The following TIMM44 variants were observed in gnomAD, a reference collection of about 807,000 sequenced individuals.
The protein encoded by TIMM44 is mitochondrial import inner membrane translocase subunit TIM44.
Under a neutral mutation model 63.8 loss-of-function variants are expected in TIMM44, and 37 were observed. The ratio of observed to expected loss-of-function variants is 0.58; its 90% CI spans 0.45 to 0.76. The LOEUF is 0.76. TIMM44 is among the 30% of genes least tolerant of loss of function. The pLI, the probability that TIMM44 is intolerant of heterozygous loss-of-function variation, is 0.00. For synonymous variants in TIMM44, 239 were observed against 245.1 expected, an observed-to-expected ratio of 0.98 and a Z score of 0.23; for missense variants, 573 against 603.8, an observed-to-expected ratio of 0.95 and a Z score of 0.54.
intron 10 of TIMM44, 42 bp downstream of exon 10, chr19:7,931,096 A>G: frequency 1.3e-6 from 2 of 1,533,116 alleles, no homozygotes; most frequent in African/African-American, 1.4e-5. Context: ...GTGATTTTTT[A>G]GGCCTTAAAA....
In TIMM44 at chr19:7,933,524, G is replaced by T. The variant is rs913687850; in HGVS notation, c.730C>A (p.Gln244Lys). 3.1e-6 allele frequency: 5 copies of T among 1,613,984 alleles called. No homozygotes were observed. Among genetic ancestry groups the T allele is most frequent in the Non-Finnish European group, 4.2e-6 (5 of 1,180,008 alleles). Reference sequence around the variant, plus strand: ...TTGTTCTCCTTGAAGTCCTTCCACTGCTGGTACCACTTGGAGTCCTTGTGC... The same window carrying T: ...TTGTTCTCCTTGAAGTCCTTCCACTTCTGGTACCACTTGGAGTCCTTGTGC... ...VLHKDSKWYQ[Q>K]WKDFKENNVV... Residue 244 changes from glutamine to lysine, a missense_variant, in exon 7 of 13, where the codon CAG becomes AAG. Physicochemically the swap from Gln to Lys is moderately conservative, Grantham distance 53. Coordinates refer to ENST00000270538, the MANE Select transcript of TIMM44 (RefSeq NM_006351.4). The surrounding 1 kb of genome is among the most constrained non-coding windows in gnomAD (Gnocchi z 4.3).
chr19:7,933,967 C>A lies in TIMM44; in HGVS notation c.580G>T (p.Val194Phe), dbSNP rs147925283. ...CGGTAGGGCCCGGTCTGTCCCAGGA[C>A]GCTGTCGTCAATTTCCTTCTTCACG... ...ESVKKEIDDSVLGQTGPYRRP... is the reference protein window; with the variant it reads ...ESVKKEIDDSFLGQTGPYRRP... The change falls in exon 6 of 13, where the codon GTC becomes TTC. Residue 194 changes from valine to phenylalanine, a missense_variant. Val to Phe is a conservative substitution (Grantham distance 50). Coordinates refer to ENST00000270538, the MANE Select transcript of TIMM44 (RefSeq NM_006351.4). The surrounding 1 kb of genome is among the most constrained non-coding windows in gnomAD (Gnocchi z 4.3). The A allele has an allele frequency of 6.2e-7, 1 of 1,614,026 alleles. No individual in the cohort carries two copies. The highest frequency in any genetic ancestry group is 8.5e-7 in the Non-Finnish European group (1 of 1,180,044).
chr19:7,941,287 G>T, intron 1 of TIMM44, 90 bp from the exon 2 acceptor site: 1 of 986,142 alleles, frequency 1.0e-6, no homozygotes, highest in Non-Finnish European at 1.6e-6. Context: ...AGGGTCACCT[G>T]CAACTCACTG....
At position 7,929,689 on chromosome 19, in the gene TIMM44, GC is replaced by G. The variant is rs879460062; in HGVS notation, c.1038+1448del. Among the ~76,000 whole-genome samples, 1,437 of 147,678 alleles carry G rather than the reference GC, an allele frequency of 9.7e-3. 9 individuals are homozygous for G. The highest frequency in any genetic ancestry group is 0.014 in the Non-Finnish European group (950 of 66,168). On this transcript the variant is annotated intron_variant, in intron 10 of 12. Transcript: ENST00000270538. The stretch of plus-strand genomic sequence containing the variant: ...ACCTTCAAACCCCACTTGACTCCCA[GC>G]CCCCCCCCAGTCATGTGGGAGACCC...
chr19:7,942,630 G>T (rs185443548), intron 1 of TIMM44, among the ~76,000 whole-genome samples: 35 of 151,184 alleles, frequency 2.3e-4, no homozygotes, highest in Non-Finnish European at 4.7e-4. Context: ...TTACACAGGT[G>T]CCTACTATCT....
Position 7,943,624 on chromosome 19 carries a change from A to G in TIMM44, c.28T>C (p.Trp10Arg), listed in dbSNP as rs756228965. 4.4e-5 allele frequency: 69 copies of G among 1,573,470 alleles called. No individual in the cohort carries two copies. The Middle Eastern group carries it at 6.6e-4, about 15-fold the overall frequency. ...CCGCTCACCCGTGGACAGCGGCACCAGCCACTCCGCAGGGCCGCCGCCGCC... is the reference window on the plus strand; with the variant it reads ...CCGCTCACCCGTGGACAGCGGCACCGGCCACTCCGCAGGGCCGCCGCCGCC... MAAAALRSG[W>R]CRCPRRCLGS... The change falls in exon 1 of 13, where the codon TGG (tryptophan) becomes CGG (arginine). Residue 10 changes from tryptophan to arginine, a missense_variant. By Grantham distance (101) the Trp-to-Arg change is moderately radical (BLOSUM62 -3). Transcript: ENST00000270538. This position sits in a 1 kb window ranked among gnomAD's most constrained non-coding sequence, Gnocchi z 4.3.
chr19:7,938,016 A>G lies in TIMM44; in HGVS notation c.312+11T>C. On this transcript the variant is annotated intron_variant, in intron 3 of 12. Transcript: ENST00000270538. ...CTGGGTGAGGGAAAAAAAAGCAGCA[A>G]AGAAACTCACGTATTTCCTTCTGGC... The G allele has an allele frequency of 6.2e-7, 1 of 1,613,970 alleles. No individual in the cohort carries two copies. Among genetic ancestry groups the G allele is most frequent in the Non-Finnish European group, 8.5e-7 (1 of 1,179,950 alleles).
rs758167153 is a variant in TIMM44, at chr19:7,928,923, CAAAAAAAAAAAAAA to C, written c.1039-771_1039-758del. The stretch of plus-strand genomic sequence containing the variant: ...CCAAGGTAAAAACAAAACAAAAAAC[CAAAAAAAAAAAAAA>C]AAAAAAAAAAATCCACATCGAAACT... On this transcript the variant is annotated intron_variant, in intron 10 of 12. Coordinates refer to ENST00000270538, the MANE Select transcript of TIMM44 (RefSeq NM_006351.4). 5.7e-5 allele frequency: 4 copies of C among 70,094 alleles called. No homozygotes were observed. In the Admixed American group the frequency reaches 6.0e-4, roughly 11 times the overall value. 4.3% of individuals were successfully genotyped at this position (70,094 alleles called of 1,614,324 possible). A position where few individuals can be genotyped will look rare whatever the true frequency, so the allele number is the denominator to read the frequency against.
chr19:7,934,830 G>C lies in TIMM44; in HGVS notation c.393+235C>G, dbSNP rs9676369. ...ATTTTCATGTTCTCCTCGAGTCCTGGCTAGCAGCACTTACTGCTGCCGACT... is the reference window on the plus strand; with the variant it reads ...ATTTTCATGTTCTCCTCGAGTCCTGCCTAGCAGCACTTACTGCTGCCGACT... On this transcript the variant is annotated intron_variant, in intron 4 of 12. Transcript: ENST00000270538. This position sits in a 1 kb window ranked among gnomAD's most constrained non-coding sequence, Gnocchi z 5.3. Among the ~76,000 whole-genome samples the C allele has an allele frequency of 0.15, 22,493 of 152,142 alleles. 2,246 individuals are homozygous for C. Among genetic ancestry groups the C allele is most frequent in the Non-Finnish European group, 0.22 (15,203 of 67,950 alleles).
intron 10 of TIMM44, among the ~76,000 whole-genome samples, chr19:7,930,369 C>T (rs1376967365): frequency 1.4e-5 from 2 of 141,208 alleles, no homozygotes; most frequent in African/African-American, 5.3e-5. Context: ...AGTGCAGTGG[C>T]GCGACCTCAG....
In TIMM44 at chr19:7,937,878, C is replaced by G. The variant is rs757564612; in HGVS notation, c.312+149G>C. ...ACTAAAAATACAAAAATTAGCTGGG[C>G]GTGGTGGTGCGCGCCTGTAAGCCCA... On this transcript the variant is annotated intron_variant, in intron 3 of 12. Coordinates refer to ENST00000270538, the MANE Select transcript of TIMM44 (RefSeq NM_006351.4). The G allele has an allele frequency of 7.8e-6, 7 of 897,002 alleles. No individual in the cohort carries two copies. In the Admixed American group the frequency reaches 1.3e-4, roughly 17 times the overall value. The allele number at this position is 897,002 out of a possible 1,614,324, so 55.6% of individuals were successfully genotyped here.
At chr19:7,930,303 C>CTTT (rs71179159) in intron 10 of TIMM44, among the ~76,000 whole-genome samples, 8 of 109,490 alleles carry the variant, frequency 7.3e-5, no homozygotes, top group East Asian at 5.0e-4. Context: ...ATGCTTGGCT[C>CTTT]TTTTTTTTTT....
At chr19:7,928,187 G>A (rs775735216) in intron 10 of TIMM44, 21 bp from the exon 11 acceptor site, 33 of 1,606,052 alleles carry the variant, frequency 2.1e-5, no homozygotes, top group African/African-American at 1.7e-4. Flanking sequence ...AGGCCGACAC[G>A]CCTGCGTGAT....
rs771182046 is a variant in TIMM44, at chr19:7,934,243, T to G, written c.394-5A>C. ...TTTACTGACTTCGTGAAGGCTCTAC[T>G]GAGACAGACACAGAGAGGGGGCGTT... On this transcript the variant is annotated splice_region_variant and splice_polypyrimidine_tract_variant and intron_variant, in intron 4 of 12. Coordinates refer to ENST00000270538, the MANE Select transcript of TIMM44 (RefSeq NM_006351.4). This position sits in a 1 kb window ranked among gnomAD's most constrained non-coding sequence, Gnocchi z 5.3. 4.3e-6 allele frequency: 7 copies of G among 1,611,146 alleles called. No homozygotes were observed. Among genetic ancestry groups the G allele is most frequent in the South Asian group, 1.1e-5 (1 of 91,094 alleles).
At chr19:7,927,341 G>T (rs1170741704) in intron 12 of TIMM44, 35 bp from the exon 13 acceptor site, 2 of 1,604,596 alleles carry the variant, frequency 1.2e-6, no homozygotes, top group Admixed American at 1.7e-5. Context: ...CTGTTGAGAG[G>T]GTTGAGGTGA....
intron 1 of TIMM44, among the ~76,000 whole-genome samples, chr19:7,942,941 G>T (rs985455308): frequency 6.8e-6 from 1 of 147,318 alleles, no homozygotes; most frequent in Non-Finnish European, 1.5e-5. Flanking sequence ...TGAGGCAGGA[G>T]AATCGCTTGA....
Position 7,931,173 on chromosome 19 carries a change from CT to C in TIMM44, c.1002del (p.Glu335SerfsTer36). 6.2e-7 allele frequency: 1 copy of C among 1,613,814 alleles called. No homozygotes were observed. Among genetic ancestry groups the C allele is most frequent in the Non-Finnish European group, 8.5e-7 (1 of 1,179,928 alleles). On this transcript the variant is annotated frameshift_variant, in exon 10 of 13. Transcript: ENST00000270538. LOFTEE classifies it high-confidence loss of function. ...IPNVLEAMIS[G>X]ELDILKDWCY... is the part of the protein sequence containing the mutation. ...CACCAGTCTTTGAGAATGTCAAGCT[CT>C]CCAGAAATCATGGCCTAAAAAGGAA... is the stretch of plus-strand genomic sequence containing the variant.
Position 7,926,856 on chromosome 19 carries a change from G to A in TIMM44, c.*331C>T, listed in dbSNP as rs1376843556. ...AGCGGGCCACTGAGCCGCGGGTCCC[G>A]GGTCCCACCCTGCTGTGGGGGGAGT... On this transcript the variant is annotated 3_prime_UTR_variant, in exon 13 of 13. Transcript: ENST00000270538. 2 of 372,526 alleles carry A rather than the reference G, an allele frequency of 5.4e-6. No individual in the cohort carries two copies. Among genetic ancestry groups the A allele is most frequent in the Admixed American group, 3.9e-5 (1 of 25,544 alleles). The allele number at this position is 372,526 out of a possible 1,614,324, so 23.1% of individuals were successfully genotyped here. A position where few individuals can be genotyped will look rare whatever the true frequency, so the allele number is the denominator to read the frequency against.
chr19:7,930,981 G>A (rs1328393254), intron 10 of TIMM44, among the ~76,000 whole-genome samples, 157 bp downstream of exon 10: 1 of 152,070 alleles, frequency 6.6e-6, no homozygotes, highest in Admixed American at 6.5e-5. Context: ...AGGGGGGGAT[G>A]TCAGGCTCTC....
Sources: gnomAD v4.1 joint callset for allele counts (sites outside exome capture counted in the v4.1 genomes callset) on GRCh38, gnomAD v4.1.1 for gene constraint, Gnocchi (gnomAD v3.1) non-coding constraint, MANE v1.5 for transcripts, NCBI Gene and HGNC (gene_info 2026-07-23, HGNC 2026-07-21) for gene names.